The following CDIN1 variants were observed in gnomAD, a reference collection of about 807,000 sequenced individuals.
CDIN1 encodes CDAN1 interacting nuclease 1, also known as CDAN1-interacting nuclease 1.
CDIN1 carries 33 observed loss-of-function variants against 45.3 expected under a neutral mutation model. That is an observed-to-expected ratio of 0.73 (90% CI 0.55 to 0.97). The LOEUF (loss-of-function observed/expected upper bound fraction) is 0.97. Ranked by LOEUF, CDIN1 falls within the 50% of genes least tolerant of loss-of-function variation. The probability of loss-of-function intolerance (pLI) is 0.00; values close to 1 mark genes in which losing one functional copy is unlikely to be tolerated. For missense variants in CDIN1, 303 were observed against 339.4 expected (o/e 0.89, Z 0.84); for synonymous variants, 118 against 124.4 (o/e 0.95, Z 0.34).
intron 5 of CDIN1, among the ~76,000 whole-genome samples, chr15:36,663,303 T>C (rs1245327212): frequency 6.6e-6 from 1 of 152,200 alleles, no homozygotes; most frequent in Non-Finnish European, 1.5e-5. Flanking sequence ...CTGTTGGTTC[T>C]GAATAGCAGA....
intron 10 of CDIN1, among the ~76,000 whole-genome samples, chr15:36,764,342 C>A (rs946007748): frequency 1.3e-5 from 2 of 151,276 alleles, no homozygotes; most frequent in East Asian, 3.9e-4. Context: ...TTTTATGATG[C>A]CAAAAGACTC....
intron 8 of CDIN1, among the ~76,000 whole-genome samples, chr15:36,703,656 G>A (rs773341912): frequency 3.3e-5 from 5 of 152,010 alleles, no homozygotes; most frequent in African/African-American, 7.2e-5. Context: ...GGTCAAACAC[G>A]TTACTGTGAT....
At chr15:36,774,158 G>C (rs1214476243) in intron 10 of CDIN1, among the ~76,000 whole-genome samples, 2 of 103,242 alleles carry the variant, frequency 1.9e-5, no homozygotes, top group Non-Finnish European at 4.3e-5. Flanking sequence ...GTGTGTGTGT[G>C]TGTGTGCGCG....
chr15:36,692,027 G>A (rs2042270954), intron 6 of CDIN1, 99 bp from the exon 7 acceptor site: 3 of 1,152,690 alleles, frequency 2.6e-6, no homozygotes, highest in South Asian at 3.2e-5. Context: ...GGGGGGCGGG[G>A]GTGGGGGAAG....
intron 10 of CDIN1, among the ~76,000 whole-genome samples, chr15:36,794,695 T>TA (rs2054745061): frequency 6.6e-6 from 1 of 152,232 alleles, no homozygotes; most frequent in Non-Finnish European, 1.5e-5. Context: ...TATCCATTCA[T>TA]ACATCTATCA....
intron 10 of CDIN1, among the ~76,000 whole-genome samples, chr15:36,723,411 A>AT (rs1163810365): frequency 6.6e-6 from 1 of 152,068 alleles, no homozygotes; most frequent in Non-Finnish European, 1.5e-5. Flanking sequence ...CTCCATATTG[A>AT]TTAAGAAGGT....
chr15:36,579,824 T>C lies in CDIN1; in HGVS notation c.-37T>C. ...GGCTACTTGAGCCCCAGGGTGTTTT[T>C]TCCTTGTTCCCGCCACCTCCTGGTC... On this transcript the variant is annotated 5_prime_UTR_variant, in exon 1 of 11. Transcript: ENST00000566621. 6.4e-7 allele frequency: 1 copy of C among 1,569,836 alleles called. No individual in the cohort carries two copies. Among genetic ancestry groups the C allele is most frequent in the South Asian group, 1.2e-5 (1 of 86,686 alleles).
intron 1 of CDIN1, among the ~76,000 whole-genome samples, chr15:36,601,687 T>C (rs191204875): frequency 3.9e-5 from 6 of 152,344 alleles, no homozygotes; most frequent in Admixed American, 3.3e-4. Flanking sequence ...TAAGCTGCTT[T>C]ATCTTAACTG....
chr15:36,606,259 A>G (rs17707164), intron 1 of CDIN1, among the ~76,000 whole-genome samples: 20,444 of 151,890 alleles, frequency 0.13, 1,502 homozygotes, highest in Non-Finnish European at 0.16. Flanking sequence ...TAGATATACT[A>G]CCTCCCATGT....
In CDIN1 at chr15:36,757,403, CTT is replaced by C. The variant is rs1284558815; in HGVS notation, c.716+47445_716+47446del. Among the ~76,000 whole-genome samples the C allele has an allele frequency of 6.6e-5, 10 of 152,314 alleles. No individual in the cohort carries two copies. The South Asian group carries it at 2.1e-3, about 32-fold the overall frequency. On this transcript the variant is annotated intron_variant, in intron 10 of 10. Transcript: ENST00000566621. ...CACTTGGGTCGAGACCTCATGAACT[CTT>C]TTCTCGCTTGCTATCAATCCGATAC...
chr15:36,783,489 T>C (rs2054404888), intron 10 of CDIN1, among the ~76,000 whole-genome samples: 1 of 152,180 alleles, frequency 6.6e-6, no homozygotes, highest in Admixed American at 6.5e-5. Context: ...GGGAGCATCT[T>C]ATTGATACCT....
chr15:36,600,726 G>A (rs1271497622), intron 1 of CDIN1, among the ~76,000 whole-genome samples: 1 of 152,074 alleles, frequency 6.6e-6, no homozygotes, highest in Non-Finnish European at 1.5e-5. Flanking sequence ...GAAAATCCGT[G>A]GCCACATGTC....
intron 10 of CDIN1, among the ~76,000 whole-genome samples, chr15:36,722,161 C>T (rs2043444021): frequency 6.6e-6 from 1 of 152,158 alleles, no homozygotes; most frequent in Admixed American, 6.5e-5. Flanking sequence ...CATAGTTTAA[C>T]AGATTTGTGT....
chr15:36,748,251 GA>G (rs1439005042), intron 10 of CDIN1, among the ~76,000 whole-genome samples: 1 of 152,224 alleles, frequency 6.6e-6, no homozygotes, highest in Non-Finnish European at 1.5e-5. Flanking sequence ...GTACTTGATG[GA>G]AAGTATCTGT....
chr15:36,619,045 A>G (rs1472657229), intron 1 of CDIN1: 1 of 1,325,946 alleles, frequency 7.5e-7, no homozygotes, highest in African/African-American at 1.5e-5. Context: ...TCCCACGACA[A>G]ACAAAGACAA....
At chr15:36,666,678 G>A (rs891691814) in intron 5 of CDIN1, among the ~76,000 whole-genome samples, 61 of 152,052 alleles carry the variant, frequency 4.0e-4, no homozygotes, top group African/African-American at 1.2e-3. Context: ...TTTTCTCCTG[G>A]GTTAGAATGC....
At chr15:36,800,903 G>GTATATATATA (rs1372710724) in intron 10 of CDIN1, among the ~76,000 whole-genome samples, 34 of 20,006 alleles carry the variant, frequency 1.7e-3, no homozygotes, top group Non-Finnish European at 2.6e-3. Context: ...GTGTGTGTGT[G>GTATATATATA]TGTGTGTATA....
At chr15:36,601,506 A>G (rs1424659502) in intron 1 of CDIN1, among the ~76,000 whole-genome samples, 1 of 152,162 alleles carries the variant, frequency 6.6e-6, no homozygotes, top group Non-Finnish European at 1.5e-5. Flanking sequence ...ATTAAACCTC[A>G]TGAACTTGTT....
chr15:36,683,949 G>T (rs2041948968), intron 5 of CDIN1, among the ~76,000 whole-genome samples: 1 of 140,858 alleles, frequency 7.1e-6, no homozygotes, highest in South Asian at 2.3e-4. Context: ...TGCTGAAGTT[G>T]CTTATGAGCT....
Sources: allele counts gnomAD v4.1 joint callset (sites outside exome capture counted in the v4.1 genomes callset), GRCh38; gene constraint gnomAD v4.1.1; transcripts MANE v1.5; gene names NCBI Gene and HGNC (gene_info 2026-07-23, HGNC 2026-07-21).